Variants in TRPM3 observed in about 807,000 individuals in gnomAD.
TRPM3 encodes long transient receptor potential channel 3.
In TRPM3, 77 loss-of-function variants were observed where a neutral mutation model predicts 181.2. That is an observed-to-expected ratio of 0.42 (90% CI 0.35 to 0.51). The LOEUF (loss-of-function observed/expected upper bound fraction) is 0.51. Ranked by LOEUF, TRPM3 falls within the 20% of genes least tolerant of loss-of-function variation. TRPM3 has a pLI of 0.01. For missense variants in TRPM3, 1,759 were observed against 2,196.7 expected, an observed-to-expected ratio of 0.80 and a Z score of 3.98; for synonymous variants, 745 against 796.4, an observed-to-expected ratio of 0.94 and a Z score of 1.09.
At chr9:71,336,984 T>G (rs2090603924) in intron 1 of TRPM3, among the ~76,000 whole-genome samples, 1 of 152,170 alleles carries the variant, frequency 6.6e-6, no homozygotes, top group Admixed American at 6.5e-5. Context: ...ACGTAAGATC[T>G]AAAATGATAA....
chr9:71,121,201 GA>G lies in TRPM3; in HGVS notation c.153del (p.Leu52PhefsTer7), dbSNP rs1319886703. On this transcript the variant is annotated frameshift_variant, in exon 1 of 26. Transcript: ENST00000677713. LOFTEE classifies it high-confidence loss of function. ...ACCTTCAGAAGTCTGACAGATGGAA[GA>G]AAGGCTGCGTGGCACAGCTTCCGGA... ...WTIRKLCHAA[F>X]LPSVRLLKAQ... 1 of 1,613,940 alleles carries G rather than the reference GA, an allele frequency of 6.2e-7. No homozygotes were observed. The highest frequency in any genetic ancestry group is 8.5e-7 in the Non-Finnish European group (1 of 1,179,928).
chr9:70,962,637 A>T (rs2097148040), intron 1 of TRPM3, among the ~76,000 whole-genome samples: 1 of 152,134 alleles, frequency 6.6e-6, no homozygotes, highest in Non-Finnish European at 1.5e-5. Flanking sequence ...AACATAAACT[A>T]TGTTTTCTTT....
rs760523453 is a variant in TRPM3, at chr9:70,761,721, C to G, written c.1152G>C (p.Leu384=). Residue 384 remains leucine, a synonymous_variant, in exon 8 of 26, where the codon CTG becomes CTC. Coordinates refer to ENST00000677713, the MANE Select transcript of TRPM3 (RefSeq NM_001366145.2). ...GCTGGTCCCTCAAAGATTCATTTAT[C>G]AGTCTGCAAGTAAAAACAATGTCAA... The part of the protein sequence containing the change: ...FGHKYSEEGG[L]INESLRDQLL... The G allele has an allele frequency of 3.1e-6, 5 of 1,609,954 alleles. No homozygotes were observed. Among genetic ancestry groups the G allele is most frequent in the Non-Finnish European group, 4.2e-6 (5 of 1,176,888 alleles).
At chr9:71,317,916 C>T (rs1341659911) in intron 1 of TRPM3, among the ~76,000 whole-genome samples, 1 of 151,924 alleles carries the variant, frequency 6.6e-6, no homozygotes, top group Non-Finnish European at 1.5e-5. Context: ...TTAAATACAT[C>T]CTAGAAAAAG....
At chr9:70,635,358 G>T in intron 11 of TRPM3, 97 bp from the exon 12 acceptor site, 1 of 1,002,918 alleles carries the variant, frequency 1.0e-6, no homozygotes, top group Non-Finnish European at 1.6e-6. Flanking sequence ...GGCTGGTGGA[G>T]GGCAGTTCAT....
intron 3 of TRPM3, among the ~76,000 whole-genome samples, chr9:70,849,754 C>T (rs2095147664): frequency 6.6e-6 from 1 of 152,028 alleles, no homozygotes; most frequent in African/African-American, 2.4e-5. Context: ...AGTTGCATAA[C>T]CACAAAATGA....
At chr9:70,820,561 T>A (rs1271781028) in intron 6 of TRPM3, among the ~76,000 whole-genome samples, 1 of 152,136 alleles carries the variant, frequency 6.6e-6, no homozygotes, top group Non-Finnish European at 1.5e-5. Context: ...CACCTTGGGC[T>A]CTGATGGGCT....
At chr9:71,253,679 G>A (rs1470030280) in intron 1 of TRPM3, among the ~76,000 whole-genome samples, 1 of 152,024 alleles carries the variant, frequency 6.6e-6, no homozygotes, top group African/African-American at 2.4e-5. Flanking sequence ...ACTACCATAT[G>A]ATCCAGACAC....
chr9:71,353,908 T>C (rs1214426677), intron 1 of TRPM3, among the ~76,000 whole-genome samples: 2 of 152,192 alleles, frequency 1.3e-5, no homozygotes, highest in African/African-American at 4.8e-5. Flanking sequence ...ATCTGAAAGA[T>C]GAGGGATTTG....
At chr9:71,011,256 C>G (rs1221183584) in intron 1 of TRPM3, among the ~76,000 whole-genome samples, 1 of 151,924 alleles carries the variant, frequency 6.6e-6, no homozygotes, top group Non-Finnish European at 1.5e-5. Flanking sequence ...TAGCAAATAA[C>G]AATGTATTAT....
chr9:71,197,882 C>T (rs1270724969), intron 1 of TRPM3, among the ~76,000 whole-genome samples: 1 of 148,492 alleles, frequency 6.7e-6, no homozygotes, highest in Non-Finnish European at 1.5e-5. Context: ...TTAATTAGAT[C>T]CCATTTGTCA....
At chr9:71,251,955 G>A (rs1226461817) in intron 1 of TRPM3, among the ~76,000 whole-genome samples, 1 of 152,002 alleles carries the variant, frequency 6.6e-6, no homozygotes, top group East Asian at 1.9e-4. Context: ...AAGAACTTAT[G>A]TTTGTGTTTC....
upstream of TRPM3, among the ~76,000 whole-genome samples, chr9:71,125,169 T>G (rs1226296141): frequency 6.6e-6 from 1 of 152,214 alleles, no homozygotes; most frequent in Non-Finnish European, 1.5e-5. Flanking sequence ...CCTCTTTTAT[T>G]AATTTTGTTG....
chr9:70,928,626 A>C (rs2096744494), intron 1 of TRPM3, among the ~76,000 whole-genome samples: 1 of 152,180 alleles, frequency 6.6e-6, no homozygotes, highest in Non-Finnish European at 1.5e-5. Flanking sequence ...TGTAGCTGGC[A>C]CCTGAACATT....
At chr9:70,629,573 G>A (rs539888707) in intron 12 of TRPM3, among the ~76,000 whole-genome samples, 1 of 152,226 alleles carries the variant, frequency 6.6e-6, no homozygotes, top group South Asian at 2.1e-4. Context: ...CTGACCTCAG[G>A]TGATCCACTC....
chr9:70,750,041 T>C (rs2075851817), intron 8 of TRPM3, among the ~76,000 whole-genome samples: 1 of 152,194 alleles, frequency 6.6e-6, no homozygotes, highest in Non-Finnish European at 1.5e-5. Flanking sequence ...TCATAAATAG[T>C]GTCAGGGTCC....
At chr9:70,981,880 C>T (rs1265202961) in intron 1 of TRPM3, among the ~76,000 whole-genome samples, 1 of 152,148 alleles carries the variant, frequency 6.6e-6, no homozygotes, top group Non-Finnish European at 1.5e-5. Context: ...GTATTATCCC[C>T]AAACAAATTG....
intron 1 of TRPM3, among the ~76,000 whole-genome samples, chr9:70,897,470 G>A (rs892597813): frequency 4.0e-5 from 6 of 151,674 alleles, no homozygotes; most frequent in African/African-American, 1.5e-4. Flanking sequence ...AGATGTATAA[G>A]GGTAGCGAAT....
chr9:70,700,573 G>A (rs927903639), intron 8 of TRPM3, among the ~76,000 whole-genome samples: 22 of 152,180 alleles, frequency 1.4e-4, no homozygotes, highest in African/African-American at 4.3e-4. Flanking sequence ...GAGCTATATC[G>A]CAGCCTGGAG....
Sources: gnomAD v4.1 joint callset for allele counts (sites outside exome capture counted in the v4.1 genomes callset) on GRCh38, gnomAD v4.1.1 for gene constraint, MANE v1.5 for transcripts, NCBI Gene and HGNC (gene_info 2026-07-23, HGNC 2026-07-21) for gene names.